TAF12: variants seen among roughly 807,000 people sequenced by gnomAD.
TAF12 encodes the protein TATA-box binding protein associated factor 12, also known as transcription initiation factor TFIID subunit 12.
TAF12 carries 3 observed loss-of-function variants against 20.8 expected under a neutral mutation model. The observed-to-expected ratio is 0.14, with a 90% CI of 0.07 to 0.37. The LOEUF is 0.37. Ranked by LOEUF, TAF12 falls within the 10% of genes least tolerant of loss-of-function variation. TAF12 has a pLI of 1.00. For missense variants in TAF12, 131 were observed against 197.9 expected, an observed-to-expected ratio of 0.66 and a Z score of 2.03; for synonymous variants, 69 against 70.2, an observed-to-expected ratio of 0.98 and a Z score of 0.09.
chr1:28,638,361 G>C (rs1166363743), intron 1 of TAF12, among the ~76,000 whole-genome samples: 1 of 151,652 alleles, frequency 6.6e-6, no homozygotes, highest in Non-Finnish European at 1.5e-5. Flanking sequence ...AGCTAATTTT[G>C]TATTTTTAGT....
At chr1:28,613,475 G>C in intron 3 of TAF12, 114 bp from the exon 4 acceptor site, 1 of 831,152 alleles carries the variant, frequency 1.2e-6, no homozygotes, top group Non-Finnish European at 1.9e-6. Context: ...CTAGTAGAAG[G>C]CTGGAATCAG....
At chr1:28,626,772 G>A (rs956927497) in intron 1 of TAF12, among the ~76,000 whole-genome samples, 13 of 147,656 alleles carry the variant, frequency 8.8e-5, no homozygotes, top group African/African-American at 3.2e-4. Context: ...TAGCCAGGTG[G>A]GGTGGCAGGT....
At position 28,603,237 on chromosome 1, in the gene TAF12, A is replaced by G; in HGVS notation, c.*302T>C. 8.2e-6 allele frequency: 3 copies of G among 366,406 alleles called. No individual in the cohort carries two copies. The highest frequency in any genetic ancestry group is 1.5e-5 in the Non-Finnish European group (3 of 202,228). The allele number at this position is 366,406 out of a possible 1,614,324, so 22.7% of individuals were successfully genotyped here. ...AATCCTGCTAATACTGTCTTACCCAAAAAGACCATAATGCTTTGTCCCATA... is the reference window on the plus strand; with the variant it reads ...AATCCTGCTAATACTGTCTTACCCAGAAAGACCATAATGCTTTGTCCCATA... On this transcript the variant is annotated 3_prime_UTR_variant, in exon 6 of 6. Coordinates refer to ENST00000373824, the MANE Select transcript of TAF12 (RefSeq NM_005644.4).
chr1:28,618,124 T>G (rs915535143), intron 2 of TAF12, 94 bp from the exon 3 acceptor site: 1 of 1,230,280 alleles, frequency 8.1e-7, no homozygotes, highest in Non-Finnish European at 1.2e-6. Flanking sequence ...AAATTGTTGG[T>G]TTTAGTTTCC....
chr1:28,646,999 A>AT (rs1441665847), upstream of TAF12, among the ~76,000 whole-genome samples: 1 of 150,688 alleles, frequency 6.6e-6, no homozygotes, highest in African/African-American at 2.4e-5. Flanking sequence ...CACCCGGCCA[A>AT]TTTTTTGTAT....
intron 2 of TAF12, among the ~76,000 whole-genome samples, chr1:28,618,486 G>C (rs1470659707): frequency 1.3e-5 from 2 of 150,830 alleles, no homozygotes; most frequent in African/African-American, 2.4e-5. Context: ...TCCCACCTAA[G>C]CTTCCCAGCT....
At chr1:28,605,869 C>G (rs768884585) in intron 4 of TAF12, among the ~76,000 whole-genome samples, 2 of 152,182 alleles carry the variant, frequency 1.3e-5, no homozygotes, top group Non-Finnish European at 2.9e-5. Context: ...GGCGCAATCT[C>G]GACTCACTGC....
At chr1:28,646,290 G>C (rs1473258952), upstream of TAF12, 3 of 151,978 alleles carry the variant, frequency 2.0e-5, no homozygotes, top group African/African-American at 7.3e-5. Context: ...AAAAAAGACA[G>C]AGAGAGAGAT....
chr1:28,612,261 C>T lies in TAF12; in HGVS notation c.361+986G>A, dbSNP rs1397643345. 7.2e-5 allele frequency among the ~76,000 whole-genome samples: 11 copies of T among 151,842 alleles called. No individual in the cohort carries two copies. The South Asian group carries it at 1.9e-3, about 26-fold the overall frequency. On this transcript the variant is annotated intron_variant, in intron 4 of 5. Coordinates refer to ENST00000373824, the MANE Select transcript of TAF12 (RefSeq NM_005644.4). Reference sequence around the variant, plus strand: ...GGCCAGGAGTACAAGACCAGGCTGACCAACATGATGAAACCCTATCTCTAC... The same window carrying T: ...GGCCAGGAGTACAAGACCAGGCTGATCAACATGATGAAACCCTATCTCTAC...
At chr1:28,618,409 T>C (rs1667108421) in intron 2 of TAF12, among the ~76,000 whole-genome samples, 1 of 152,182 alleles carries the variant, frequency 6.6e-6, no homozygotes, top group Non-Finnish European at 1.5e-5. Context: ...AGACAGGGTC[T>C]TGCTCTATTG....
At chr1:28,632,991 G>A (rs905761774) in intron 1 of TAF12, among the ~76,000 whole-genome samples, 8 of 151,810 alleles carry the variant, frequency 5.3e-5, no homozygotes, top group Non-Finnish European at 7.4e-5. Context: ...AGCCTCCCAA[G>A]TAGCTCGGAT....
rs1013610023 is a variant in TAF12 at position 28,610,971 on chromosome 1, A to C, written c.361+2276T>G. Among the ~76,000 whole-genome samples the C allele has an allele frequency of 2.9e-3, 425 of 146,544 alleles. 2 individuals are homozygous for C. Among genetic ancestry groups the C allele is most frequent in the African/African-American group, 9.6e-3 (389 of 40,468 alleles). On this transcript the variant is annotated intron_variant, in intron 4 of 5. Coordinates refer to ENST00000373824, the MANE Select transcript of TAF12 (RefSeq NM_005644.4). ...TGAGACTGTCTCAAAAAAAAAAAAAAAAAAAAAAAAAACACAGGTGGAGTC... is the reference window on the plus strand; with the variant it reads ...TGAGACTGTCTCAAAAAAAAAAAAACAAAAAAAAAAAACACAGGTGGAGTC...
At chr1:28,606,687 T>C (rs372631841) in intron 4 of TAF12, among the ~76,000 whole-genome samples, 1 of 152,248 alleles carries the variant, frequency 6.6e-6, no homozygotes. Context: ...AAAATAAATA[T>C]CATTTATTTC....
chr1:28,605,865 A>G (rs1033720194), intron 4 of TAF12, among the ~76,000 whole-genome samples: 4 of 152,186 alleles, frequency 2.6e-5, no homozygotes, highest in Non-Finnish European at 5.9e-5. Flanking sequence ...CAATGGCGCA[A>G]TCTCGACTCA....
chr1:28,621,893 G>C lies in TAF12; in HGVS notation c.168+21C>G, dbSNP rs753791647. 10 of 1,609,264 alleles carry C rather than the reference G, an allele frequency of 6.2e-6. No individual in the cohort carries two copies. The African/African-American group carries it at 1.3e-4, about 22-fold the overall frequency. Reference sequence around the variant, plus strand: ...ATAGGTAAGAAGTGGCTACAGAGAAGAAAGAGTAAGAGGATGATACCTGAT... The same window carrying C: ...ATAGGTAAGAAGTGGCTACAGAGAACAAAGAGTAAGAGGATGATACCTGAT... On this transcript the variant is annotated intron_variant, in intron 2 of 5. Transcript: ENST00000373824.
At chr1:28,613,129 A>G in intron 4 of TAF12, 118 bp downstream of exon 4, 3 of 699,342 alleles carry the variant, frequency 4.3e-6, no homozygotes, top group Middle Eastern at 2.5e-4. Context: ...GAATTAATAC[A>G]TAAATCCCAG....
At chr1:28,629,905 G>A (rs1667561665) in intron 1 of TAF12, among the ~76,000 whole-genome samples, 1 of 151,844 alleles carries the variant, frequency 6.6e-6, no homozygotes. Context: ...TTCCCAAATA[G>A]CTGGGGTTAT....
intron 4 of TAF12, among the ~76,000 whole-genome samples, chr1:28,611,088 G>C (rs1351658236): frequency 6.6e-6 from 1 of 151,986 alleles, no homozygotes; most frequent in Non-Finnish European, 1.5e-5. Flanking sequence ...GTTAGAAAAG[G>C]CCATGAAGTT....
intron 1 of TAF12, among the ~76,000 whole-genome samples, chr1:28,627,131 A>C (rs1225170720): frequency 6.6e-6 from 1 of 152,156 alleles, no homozygotes; most frequent in African/African-American, 2.4e-5. Context: ...TCACGCCGGT[A>C]ATCCCAGCAC....
Sources: gnomAD v4.1 joint callset for allele counts (sites outside exome capture counted in the v4.1 genomes callset) on GRCh38, gnomAD v4.1.1 for gene constraint, MANE v1.5 for transcripts, NCBI Gene and HGNC (gene_info 2026-07-23, HGNC 2026-07-21) for gene names.